The following CEP295 variants were observed in gnomAD, a reference collection of about 807,000 sequenced individuals.
CEP295 encodes the protein centrosomal protein 295.
A neutral mutation model predicts 291.6 loss-of-function variants in CEP295; 190 were observed. The observed-to-expected ratio is 0.65, with a 90% confidence interval of 0.58 to 0.73. The LOEUF is 0.73. Among genes scored for constraint, CEP295 ranks in the 30% least tolerant of loss-of-function variants. The pLI is 0.00. For synonymous variants in CEP295, 993 were observed against 1,038.8 expected, an observed-to-expected ratio of 0.96 and a Z score of 0.85; for missense variants, 2,863 against 2,949.4, an observed-to-expected ratio of 0.97 and a Z score of 0.68.
At chr11:93,703,010 C>T in intron 17 of CEP295, 91 bp downstream of exon 17, 3 of 1,064,426 alleles carry the variant, frequency 2.8e-6, no homozygotes, top group Non-Finnish European at 4.0e-6. Flanking sequence ...GTTGCCCAGG[C>T]TGGAATGCAA....
At chr11:93,672,084 T>C (rs1297014947) in intron 5 of CEP295, among the ~76,000 whole-genome samples, 1 of 152,188 alleles carries the variant, frequency 6.6e-6, no homozygotes, top group South Asian at 2.1e-4. Flanking sequence ...TGAAGAAAAT[T>C]GAAGGTCAGA....
Position 93,730,345 on chromosome 11 carries a change from T to G in CEP295, c.*76T>G, listed in dbSNP as rs1938285743. 2.7e-6 allele frequency: 3 copies of G among 1,108,168 alleles called. No homozygotes were observed. Among genetic ancestry groups the G allele is most frequent in the African/African-American group, 3.1e-5 (2 of 64,376 alleles). 68.6% of individuals were successfully genotyped at this position (1,108,168 alleles called of 1,614,324 possible). On this transcript the variant is annotated 3_prime_UTR_variant, in exon 30 of 30. Coordinates refer to ENST00000325212, the MANE Select transcript of CEP295 (RefSeq NM_033395.2). ...ACAAAATTATTTAAAGTCAATAAAT[T>G]GTTATTCGAGGAATTCCATGTTGTG...
chr11:93,727,178 CTTAAG>C lies in CEP295; in HGVS notation c.6705_6709del (p.Leu2235PhefsTer7). 2 of 1,550,828 alleles carry C rather than the reference CTTAAG, an allele frequency of 1.3e-6. No homozygotes were observed. The highest frequency in any genetic ancestry group is 1.7e-6 in the Non-Finnish European group (2 of 1,146,614). ...TTCATTTCCAGCTTTCTATAGGAAA[CTTAAG>C]TTCAGTCTACAGTTCATCTGATGAA... On this transcript the variant is annotated frameshift_variant, in exon 24 of 30. Transcript: ENST00000325212. LOFTEE classifies it high-confidence loss of function.
At chr11:93,711,889 A>G (rs575583695) in intron 18 of CEP295, among the ~76,000 whole-genome samples, 5 of 152,144 alleles carry the variant, frequency 3.3e-5, no homozygotes, top group Middle Eastern at 6.8e-3. Context: ...GTCTCTGACA[A>G]TGATCCATGT....
chr11:93,685,196 A>G (rs556245504), intron 9 of CEP295, among the ~76,000 whole-genome samples: 1 of 152,316 alleles, frequency 6.6e-6, no homozygotes, highest in African/African-American at 2.4e-5. Context: ...CATGGAATTC[A>G]GCTATTTTTG....
At chr11:93,679,746 A>G (rs1028214577) in intron 7 of CEP295, among the ~76,000 whole-genome samples, 194 bp downstream of exon 7, 2 of 152,172 alleles carry the variant, frequency 1.3e-5, no homozygotes, top group African/African-American at 4.8e-5. Context: ...CTATTCTCCC[A>G]GTGTATTGCT....
chr11:93,693,770 GAAAAA>G (rs1178686392), intron 12 of CEP295, among the ~76,000 whole-genome samples: 4 of 152,120 alleles, frequency 2.6e-5, no homozygotes, highest in East Asian at 3.9e-4. Flanking sequence ...AAGAAAAAAA[GAAAAA>G]AAGAAAAATT....
At chr11:93,666,385 A>C (rs917593961) in intron 1 of CEP295, among the ~76,000 whole-genome samples, 1 of 152,084 alleles carries the variant, frequency 6.6e-6, no homozygotes, top group Admixed American at 6.6e-5. Flanking sequence ...CTTGAGGCCA[A>C]GAGTTCGAGA....
intron 21 of CEP295, 39 bp downstream of exon 21, chr11:93,723,328 G>A (rs553403254): frequency 4.1e-5 from 56 of 1,369,818 alleles, no homozygotes; most frequent in Middle Eastern, 2.4e-4. Context: ...TGTAAATTAA[G>A]TTTTAAATTT....
chr11:93,725,704 A>G lies in CEP295; in HGVS notation c.6372A>G (p.Thr2124=), dbSNP rs1565221870. ...GTGCTACTGGATTATCCAAAAGTACAGTTTATTTCACAGCACTGAGGAGGA... is the reference window on the plus strand; with the variant it reads ...GTGCTACTGGATTATCCAAAAGTACGGTTTATTTCACAGCACTGAGGAGGA... ...SHCATGLSKS[T]VYFTALRRTS... is the part of the protein sequence containing the mutation. Residue 2124 remains threonine, a synonymous_variant, in exon 23 of 30, where the codon ACA becomes ACG. Coordinates refer to ENST00000325212, the MANE Select transcript of CEP295 (RefSeq NM_033395.2). The G allele has an allele frequency of 6.4e-7, 1 of 1,551,518 alleles. No individual in the cohort carries two copies. The highest frequency in any genetic ancestry group is 8.7e-7 in the Non-Finnish European group (1 of 1,146,948).
chr11:93,725,417 A>G lies in CEP295; in HGVS notation c.6319-234A>G, dbSNP rs553256973. ...CAAAATTTAAAGTATCCTCCTACAC[A>G]GTCAAAGGAGCTGAGATTTAAACCT... On this transcript the variant is annotated intron_variant, in intron 22 of 29. Coordinates refer to ENST00000325212, the MANE Select transcript of CEP295 (RefSeq NM_033395.2). Among the ~76,000 whole-genome samples the G allele has an allele frequency of 2.0e-5, 3 of 152,334 alleles. No homozygotes were observed. In the South Asian group the frequency reaches 6.2e-4, roughly 32 times the overall value.
At chr11:93,717,660 A>G (rs954927128) in intron 18 of CEP295, among the ~76,000 whole-genome samples, 2 of 152,136 alleles carry the variant, frequency 1.3e-5, no homozygotes, top group Non-Finnish European at 2.9e-5. Context: ...AGGATAAGGG[A>G]ATGCTTGGCC....
At chr11:93,712,085 C>G (rs918732705) in intron 18 of CEP295, among the ~76,000 whole-genome samples, 6 of 152,018 alleles carry the variant, frequency 3.9e-5, no homozygotes, top group African/African-American at 1.5e-4. Flanking sequence ...TGGGGTCTAG[C>G]TATCTCTTTA....
chr11:93,719,750 TAAACA>T (rs1953558802), intron 18 of CEP295: 1 of 152,212 alleles, frequency 6.6e-6, no homozygotes, highest in Non-Finnish European at 1.5e-5. Context: ...AATTGTTACA[TAAACA>T]TTTAAGAAAT....
chr11:93,674,230 T>C (rs946141130), intron 5 of CEP295, among the ~76,000 whole-genome samples: 2 of 152,228 alleles, frequency 1.3e-5, no homozygotes, highest in African/African-American at 4.8e-5. Context: ...CCCAAAGTGC[T>C]GAGATTACAG....
At chr11:93,728,848 A>C (rs1565228075) in intron 25 of CEP295, 27 bp downstream of exon 25, 1 of 1,522,650 alleles carries the variant, frequency 6.6e-7, no homozygotes, top group Admixed American at 2.1e-5. Flanking sequence ...CTTCTATTTT[A>C]TTCTATTACA....
intron 1 of CEP295, among the ~76,000 whole-genome samples, chr11:93,666,267 C>A (rs966006903): frequency 3.3e-5 from 5 of 152,110 alleles, no homozygotes; most frequent in Admixed American, 2.0e-4. Flanking sequence ...ATGTATATAA[C>A]CCTTTAAATA....
rs1954255328 is a variant in CEP295 at position 93,727,652 on chromosome 11, T to C, written c.7161+15T>C. The C allele has an allele frequency of 6.0e-6, 9 of 1,494,604 alleles. No homozygotes were observed. The highest frequency in any genetic ancestry group is 1.8e-4 in the Middle Eastern group (1 of 5,656). The allele number at this position is 1,494,604 out of a possible 1,614,324, so 92.6% of individuals were successfully genotyped here. A position where few individuals can be genotyped will look rare whatever the true frequency, so the allele number is the denominator to read the frequency against. Reference sequence around the variant, plus strand: ...TACCAGTCTGGGTAAGTGAAATCAGTGTTGTATAAATAACATTTAAATTCC... The same window carrying C: ...TACCAGTCTGGGTAAGTGAAATCAGCGTTGTATAAATAACATTTAAATTCC... On this transcript the variant is annotated intron_variant, in intron 24 of 29. Coordinates refer to ENST00000325212, the MANE Select transcript of CEP295 (RefSeq NM_033395.2).
intron 6 of CEP295, among the ~76,000 whole-genome samples, chr11:93,677,898 A>AT (rs1035323851): frequency 6.6e-6 from 1 of 152,152 alleles, no homozygotes; most frequent in African/African-American, 2.4e-5. Context: ...TTTCAACCAG[A>AT]TTTATGGTTA....
Sources: allele counts gnomAD v4.1 joint callset (sites outside exome capture counted in the v4.1 genomes callset), GRCh38; gene constraint gnomAD v4.1.1; transcripts MANE v1.5; gene names NCBI Gene and HGNC (gene_info 2026-07-23, HGNC 2026-07-21).